The following SNCAIP variants were observed in gnomAD, a reference collection of about 807,000 sequenced individuals.
SNCAIP encodes the protein synphilin-1.
Under a neutral mutation model 86.7 loss-of-function variants are expected in SNCAIP, and 43 were observed. The ratio of observed to expected loss-of-function variants is 0.50; its 90% CI spans 0.39 to 0.64. SNCAIP has a LOEUF of 0.64. Ranked by LOEUF, SNCAIP falls within the 30% of genes least tolerant of loss-of-function variation. SNCAIP has a pLI of 0.00. For missense variants in SNCAIP, 981 were observed against 1,103.1 expected, an observed-to-expected ratio of 0.89 and a Z score of 1.57; for synonymous variants, 417 against 427.2, an observed-to-expected ratio of 0.98 and a Z score of 0.29.
At chr5:122,391,272 T>C in intron 2 of SNCAIP, 81 bp downstream of exon 2, 2 of 1,002,682 alleles carry the variant, frequency 2.0e-6, no homozygotes, top group South Asian at 2.6e-5. Context: ...TTATAGTCTA[T>C]ATATCCTCAA....
intron 1 of SNCAIP, among the ~76,000 whole-genome samples, chr5:122,361,981 A>G (rs2152768957): frequency 6.6e-6 from 1 of 152,350 alleles, no homozygotes; most frequent in Non-Finnish European, 1.5e-5. Context: ...AAACAGAAAG[A>G]AATATATGTG....
At chr5:122,459,575 G>A (rs1426100586) in intron 10 of SNCAIP, among the ~76,000 whole-genome samples, 2 of 152,114 alleles carry the variant, frequency 1.3e-5, no homozygotes, top group Non-Finnish European at 2.9e-5. Context: ...ATATTTTTCA[G>A]ATAAATGCCT....
intron 10 of SNCAIP, among the ~76,000 whole-genome samples, chr5:122,458,097 T>C (rs1451598744): frequency 6.6e-6 from 1 of 152,172 alleles, no homozygotes; most frequent in Non-Finnish European, 1.5e-5. Flanking sequence ...TGAAACAGTT[T>C]AGTTAGTGTC....
chr5:122,432,760 T>C (rs536099405), intron 6 of SNCAIP, among the ~76,000 whole-genome samples: 94 of 151,994 alleles, frequency 6.2e-4, no homozygotes, highest in Non-Finnish European at 1.0e-3. Context: ...GTGTTTGCAG[T>C]TAAAAAAAAA....
At chr5:122,378,140 G>C (rs1466945649) in intron 1 of SNCAIP, among the ~76,000 whole-genome samples, 1 of 147,390 alleles carries the variant, frequency 6.8e-6, no homozygotes, top group Non-Finnish European at 1.5e-5. Flanking sequence ...GGTTGAACTA[G>C]TTTACAGTCC....
intron 6 of SNCAIP, among the ~76,000 whole-genome samples, chr5:122,434,027 G>T (rs1778917646): frequency 6.6e-6 from 1 of 152,112 alleles, no homozygotes; most frequent in Admixed American, 6.5e-5. Context: ...CTTAGGATGG[G>T]TTTATTGGGC....
rs1054540241 is a variant in SNCAIP, at chr5:122,372,751, G to A, written c.-46-18338G>A. ...CCAATAGTTTAGATATTTGCTCGTG[G>A]ACATAATCCCCATGTTTATAAAGAT... On this transcript the variant is annotated intron_variant, in intron 1 of 10. Transcript: ENST00000261368. Among the ~76,000 whole-genome samples the A allele has an allele frequency of 3.3e-5, 5 of 152,030 alleles. No individual in the cohort carries two copies. In the South Asian group the frequency reaches 6.3e-4, roughly 19 times the overall value.
intron 6 of SNCAIP, among the ~76,000 whole-genome samples, chr5:122,432,501 T>C (rs1778607724): frequency 6.6e-6 from 1 of 152,240 alleles, no homozygotes; most frequent in Admixed American, 6.5e-5. Flanking sequence ...GTGGCTTCGA[T>C]TTTCTATTTT....
intron 1 of SNCAIP, among the ~76,000 whole-genome samples, chr5:122,346,331 T>C (rs1267729201): frequency 6.6e-6 from 1 of 152,154 alleles, no homozygotes; most frequent in African/African-American, 2.4e-5. Flanking sequence ...TAATAGTATT[T>C]TTATTATTCC....
rs1277257660 is a variant in SNCAIP, at chr5:122,441,836, A to G, written c.1422+1082A>G. 3.3e-5 allele frequency among the ~76,000 whole-genome samples: 5 copies of G among 152,228 alleles called. No individual in the cohort carries two copies. In the East Asian group the frequency reaches 9.6e-4, roughly 29 times the overall value. ...AAAGGAAAGGCTTTGAATTGGAAAC[A>G]AAGTCAAAGTTTAGACTTGGTCTAG... On this transcript the variant is annotated intron_variant, in intron 7 of 10. Coordinates refer to ENST00000261368, the MANE Select transcript of SNCAIP (RefSeq NM_005460.4).
Position 122,434,861 on chromosome 5 carries a change from A to G in SNCAIP, c.1296+2779A>G, listed in dbSNP as rs146198451. Among the ~76,000 whole-genome samples the G allele has an allele frequency of 4.2e-3, 642 of 152,248 alleles. 3 individuals are homozygous for G. The highest frequency in any genetic ancestry group is 0.014 in the African/African-American group (580 of 41,554). On this transcript the variant is annotated intron_variant, in intron 6 of 10. Transcript: ENST00000261368. ...ATTCAGCATATGCAAGTTTTTCTACATCCAGCAGGCATTTGAGTGTGTCCT... is the reference window on the plus strand; with the variant it reads ...ATTCAGCATATGCAAGTTTTTCTACGTCCAGCAGGCATTTGAGTGTGTCCT...
At chr5:122,408,378 G>A (rs1219093163) in intron 3 of SNCAIP, among the ~76,000 whole-genome samples, 2 of 152,124 alleles carry the variant, frequency 1.3e-5, no homozygotes, top group Non-Finnish European at 2.9e-5. Flanking sequence ...GAGACACGCA[G>A]CCTAGGGCTC....
intron 1 of SNCAIP, among the ~76,000 whole-genome samples, chr5:122,380,585 T>C (rs1766502887): frequency 6.7e-6 from 1 of 149,840 alleles, no homozygotes; most frequent in Admixed American, 6.6e-5. Flanking sequence ...TCTGCTAGCT[T>C]TTGAATGTGT....
At chr5:122,346,714 A>T (rs1758685464) in intron 1 of SNCAIP, among the ~76,000 whole-genome samples, 1 of 151,856 alleles carries the variant, frequency 6.6e-6, no homozygotes, top group African/African-American at 2.4e-5. Flanking sequence ...CCTTCTAGTC[A>T]TTGAATAATA....
intron 1 of SNCAIP, among the ~76,000 whole-genome samples, chr5:122,381,786 C>T (rs888738825): frequency 6.6e-6 from 1 of 151,966 alleles, no homozygotes; most frequent in Admixed American, 6.6e-5. Context: ...TATTTTATTT[C>T]TCCTTCACTT....
At chr5:122,350,957 A>G (rs147317672) in intron 1 of SNCAIP, among the ~76,000 whole-genome samples, 5 of 152,346 alleles carry the variant, frequency 3.3e-5, no homozygotes, top group African/African-American at 1.2e-4. Flanking sequence ...GATAGTGTTG[A>G]GTGCTCTTGA....
At chr5:122,382,274 C>G (rs1463968078) in intron 1 of SNCAIP, among the ~76,000 whole-genome samples, 2 of 152,258 alleles carry the variant, frequency 1.3e-5, no homozygotes, top group African/African-American at 4.8e-5. Flanking sequence ...CTTCCCTTCT[C>G]ACTTCATTTC....
intron 1 of SNCAIP, among the ~76,000 whole-genome samples, chr5:122,341,442 G>T (rs2152722432): frequency 6.6e-6 from 1 of 152,206 alleles, no homozygotes. Flanking sequence ...CTATAGTTTT[G>T]TGTTACATTC....
At chr5:122,358,702 G>C (rs1351159854) in intron 1 of SNCAIP, among the ~76,000 whole-genome samples, 1 of 151,988 alleles carries the variant, frequency 6.6e-6, no homozygotes, top group South Asian at 2.1e-4. Context: ...AGTTTACCTT[G>C]TGAAAAACCA....
Sources: gnomAD v4.1 joint callset for allele counts (sites outside exome capture counted in the v4.1 genomes callset) on GRCh38, gnomAD v4.1.1 for gene constraint, MANE v1.5 for transcripts, NCBI Gene and HGNC (gene_info 2026-07-23, HGNC 2026-07-21) for gene names.